The following NOL4 variants were observed in gnomAD, a reference collection of about 807,000 sequenced individuals.
The protein encoded by NOL4 is cancer/testis antigen 125.
NOL4 carries 17 observed loss-of-function variants against 75.9 expected under a neutral mutation model. The observed-to-expected ratio is 0.22, with a 90% CI of 0.15 to 0.34. The LOEUF is 0.34. Ranked by LOEUF, NOL4 falls within the 10% of genes least tolerant of loss-of-function variation. The pLI, the probability that NOL4 is intolerant of heterozygous loss-of-function variation, is 1.00. For missense variants in NOL4, 614 were observed against 793.5 expected, an observed-to-expected ratio of 0.77 and a Z score of 2.72; for synonymous variants, 292 against 289.9, an observed-to-expected ratio of 1.01 and a Z score of -0.07.
At chr18:33,985,409 A>T (rs1206590631) in intron 6 of NOL4, among the ~76,000 whole-genome samples, 1 of 152,136 alleles carries the variant, frequency 6.6e-6, no homozygotes, top group African/African-American at 2.4e-5. Context: ...TTTTGATTAC[A>T]TAAAATGTTA....
At chr18:34,221,880 C>G in intron 1 of NOL4, 1 of 638,600 alleles carries the variant, frequency 1.6e-6, no homozygotes. Flanking sequence ...TTCTAGCATC[C>G]TCCAGGAATA....
At chr18:33,940,434 G>T (rs1447323032) in intron 9 of NOL4, among the ~76,000 whole-genome samples, 1 of 151,988 alleles carries the variant, frequency 6.6e-6, no homozygotes, top group Non-Finnish European at 1.5e-5. Flanking sequence ...ATCATTCTCA[G>T]CCAACTAACA....
At chr18:34,123,935 A>G (rs945198729) in intron 2 of NOL4, among the ~76,000 whole-genome samples, 1 of 152,038 alleles carries the variant, frequency 6.6e-6, no homozygotes, top group African/African-American at 2.4e-5. Context: ...TCACAAATTT[A>G]TTGTGTAACA....
At chr18:33,963,350 T>C (rs2070306557) in intron 6 of NOL4, among the ~76,000 whole-genome samples, 1 of 152,120 alleles carries the variant, frequency 6.6e-6, no homozygotes. Flanking sequence ...TTTTCATAAA[T>C]GGGGGAATGT....
At chr18:34,127,517 G>A (rs2080442051) in intron 2 of NOL4, among the ~76,000 whole-genome samples, 1 of 151,896 alleles carries the variant, frequency 6.6e-6, no homozygotes. Flanking sequence ...AATTGCAATA[G>A]TTATCTAGCT....
In NOL4 at chr18:34,111,686, G is replaced by A. The variant is rs1192590118; in HGVS notation, c.415-6526C>T. Reference sequence around the variant, plus strand: ...AAGACATAGGCAAAAGACATGAATCGGCATTTCCCTAAAGAAAACATACAA... The same window carrying A: ...AAGACATAGGCAAAAGACATGAATCAGCATTTCCCTAAAGAAAACATACAA... On this transcript the variant is annotated intron_variant, in intron 2 of 10. Transcript: ENST00000261592. Among the ~76,000 whole-genome samples, 9 of 152,114 alleles carry A rather than the reference G, an allele frequency of 5.9e-5. No homozygotes were observed. The East Asian group carries it at 7.7e-4, about 13-fold the overall frequency.
intron 10 of NOL4, among the ~76,000 whole-genome samples, chr18:33,872,830 C>T (rs2063761773): frequency 6.6e-6 from 1 of 151,930 alleles, no homozygotes; most frequent in African/African-American, 2.4e-5. Flanking sequence ...AAAGAGAAAA[C>T]TATCAAAATA....
chr18:34,211,115 G>GGAAGGAAA (rs2036486833), intron 1 of NOL4, among the ~76,000 whole-genome samples: 1 of 39,180 alleles, frequency 2.6e-5, no homozygotes, highest in African/African-American at 6.3e-5. Context: ...AAGGAAAGAA[G>GGAAGGAAA]GAAGGAAGGA....
At chr18:34,033,132 G>A (rs576638119) in intron 5 of NOL4, among the ~76,000 whole-genome samples, 103 of 152,024 alleles carry the variant, frequency 6.8e-4, no homozygotes, top group Middle Eastern at 3.4e-3. Flanking sequence ...CAATGTAAAG[G>A]CACAGGAAAC....
At chr18:33,861,028 C>T (rs532020157) in intron 10 of NOL4, among the ~76,000 whole-genome samples, 1,681 of 152,164 alleles carry the variant, frequency 0.011, 42 homozygotes, top group Admixed American at 0.053. Context: ...CTGCTGGATT[C>T]GGTTTGCCAG....
At chr18:34,107,703 C>T (rs973939516) in intron 2 of NOL4, among the ~76,000 whole-genome samples, 9 of 151,408 alleles carry the variant, frequency 5.9e-5, no homozygotes, top group Admixed American at 2.0e-4. Flanking sequence ...AAACTTTTTT[C>T]CCTATTCAGA....
At chr18:33,934,286 AAT>A (rs1393970912) in intron 9 of NOL4, among the ~76,000 whole-genome samples, 1 of 152,060 alleles carries the variant, frequency 6.6e-6, no homozygotes, top group African/African-American at 2.4e-5. Flanking sequence ...ATTTTCATGA[AAT>A]TCTTAAGGGC....
At chr18:33,900,461 T>C (rs1272352607) in intron 9 of NOL4, among the ~76,000 whole-genome samples, 2 of 152,188 alleles carry the variant, frequency 1.3e-5, no homozygotes, top group South Asian at 2.1e-4. Flanking sequence ...CTGCCTGCTT[T>C]GAATTTCCCA....
rs550622151 is a variant in NOL4 at position 34,072,687 on chromosome 18, T to C, written c.772+20778A>G. On this transcript the variant is annotated intron_variant, in intron 5 of 10. Coordinates refer to ENST00000261592, the MANE Select transcript of NOL4 (RefSeq NM_003787.5). Reference sequence around the variant, plus strand: ...CACGAACATTTACCAAGTCAGGTCATGTGCTGGACCATACAGCAAGTTACA... The same window carrying C: ...CACGAACATTTACCAAGTCAGGTCACGTGCTGGACCATACAGCAAGTTACA... Among the ~76,000 whole-genome samples the C allele has an allele frequency of 3.3e-5, 5 of 152,328 alleles. No homozygotes were observed. In the East Asian group the frequency reaches 7.7e-4, roughly 24 times the overall value.
chr18:34,209,586 T>C (rs1410072199), intron 1 of NOL4, among the ~76,000 whole-genome samples: 1 of 152,146 alleles, frequency 6.6e-6, no homozygotes, highest in Admixed American at 6.5e-5. Context: ...AGCCACCCAG[T>C]GATTATATTT....
intron 10 of NOL4, among the ~76,000 whole-genome samples, chr18:33,854,462 C>T (rs1031493295): frequency 1.3e-5 from 2 of 152,044 alleles, no homozygotes; most frequent in African/African-American, 4.8e-5. Context: ...ATGAGACTGA[C>T]ACGACAAGCT....
At chr18:34,210,431 T>C (rs946044809) in intron 1 of NOL4, among the ~76,000 whole-genome samples, 4 of 152,344 alleles carry the variant, frequency 2.6e-5, no homozygotes, top group South Asian at 2.1e-4. Flanking sequence ...TCTCAGTTTA[T>C]GATATATTTA....
chr18:34,097,226 C>T (rs575319262), intron 4 of NOL4, among the ~76,000 whole-genome samples: 12 of 152,232 alleles, frequency 7.9e-5, no homozygotes, highest in South Asian at 2.1e-4. Flanking sequence ...TTACGGTTTC[C>T]CATAAGACTG....
chr18:34,162,565 A>C (rs939149964), intron 1 of NOL4, among the ~76,000 whole-genome samples: 4 of 152,210 alleles, frequency 2.6e-5, no homozygotes, highest in African/African-American at 9.6e-5. Context: ...GAATAGACCA[A>C]TAACAGGCTC....
Sources: allele counts gnomAD v4.1 joint callset (sites outside exome capture counted in the v4.1 genomes callset), GRCh38; gene constraint gnomAD v4.1.1; transcripts MANE v1.5; gene names NCBI Gene and HGNC (gene_info 2026-07-23, HGNC 2026-07-21).